Variants in PNRC1 observed in about 807,000 individuals in gnomAD.
PNRC1 encodes proline rich nuclear receptor coactivator 1.
In PNRC1, 6 loss-of-function variants were observed where a neutral mutation model predicts 20.2. The observed-to-expected ratio is 0.30, with a 90% CI of 0.16 to 0.59. The LOEUF (loss-of-function observed/expected upper bound fraction) is 0.59. Ranked by LOEUF, PNRC1 falls within the 20% of genes least tolerant of loss-of-function variation. The pLI, the probability that PNRC1 is intolerant of heterozygous loss-of-function variation, is 0.89. For missense variants in PNRC1, 488 were observed against 430.2 expected, an observed-to-expected ratio of 1.13 and a Z score of -1.19; for synonymous variants, 202 against 186.9, an observed-to-expected ratio of 1.08 and a Z score of -0.66.
In PNRC1 at chr6:89,083,790, C is replaced by T. The variant is rs772546197; in HGVS notation, c.578C>T (p.Ala193Val). 1.9e-6 allele frequency: 3 copies of T among 1,588,274 alleles called. No individual in the cohort carries two copies. The highest frequency in any genetic ancestry group is 2.3e-5 in the South Asian group (2 of 85,382). The change falls in exon 2 of 2, where the codon GCC (alanine) becomes GTC (valine). Residue 193 changes from alanine to valine, a missense_variant. Ala to Val is a moderately conservative substitution (Grantham distance 64). Transcript: ENST00000336032. The stretch of plus-strand genomic sequence containing the variant: ...AAGATGGGAAAATCGGAGAAAATTG[C>T]CCTTCCCCATGGCCAGCTTGTTCAT... ...KSKMGKSEKI[A>V]LPHGQLVHGI...
Position 89,081,209 on chromosome 6 carries a change from CCCCGCAGGGCAG to C in PNRC1, c.317_328del (p.Pro106_Gln109del). The C allele has an allele frequency of 6.4e-7, 1 of 1,561,162 alleles. No individual in the cohort carries two copies. ...GGCGAAAGAAGAAGGTGCGGGCCAG[CCCCGCAGGGCAG>C]CTGCCCAGCCGCTTCCACCAGTACC... On this transcript the variant is annotated inframe_deletion, in exon 1 of 2. Coordinates refer to ENST00000336032, the MANE Select transcript of PNRC1 (RefSeq NM_006813.3).
At position 89,083,887 on chromosome 6, in the gene PNRC1, C is replaced by T. The variant is rs2127986015; in HGVS notation, c.675C>T (p.Ile225=). 6.2e-7 allele frequency: 1 copy of T among 1,614,090 alleles called. No individual in the cohort carries two copies. The highest frequency in any genetic ancestry group is 1.1e-5 in the South Asian group (1 of 91,060). The change falls in exon 2 of 2, where the codon ATC becomes ATT. Residue 225 remains isoleucine (I), a synonymous_variant. Transcript: ENST00000336032. Reference sequence around the variant, plus strand: ...AATATAACTTGCCACTAACCAAGATCACCTCTGCAAAAAGAAATGAAAACA... The same window carrying T: ...AATATAACTTGCCACTAACCAAGATTACCTCTGCAAAAAGAAATGAAAACA... ...KSKYNLPLTK[I]TSAKRNENNF...
rs1768063552 is a variant in PNRC1 at position 89,084,165 on chromosome 6, A to G, written c.953A>G (p.His318Arg). 1 of 1,585,360 alleles carries G rather than the reference A, an allele frequency of 6.3e-7. No homozygotes were observed. ...CAAAACAGGGAGCTGATGGCAGTACACTTAAAAACGCTCCTCAAAGTTCAA... is the reference window on the plus strand; with the variant it reads ...CAAAACAGGGAGCTGATGGCAGTACGCTTAAAAACGCTCCTCAAAGTTCAA... ...SNQNRELMAV[H>R]LKTLLKVQT Residue 318 changes from histidine (H) to arginine (R), a missense_variant, in exon 2 of 2, where the codon CAC becomes CGC. Physicochemically the swap from His to Arg is conservative, Grantham distance 29. Coordinates refer to ENST00000336032, the MANE Select transcript of PNRC1 (RefSeq NM_006813.3).
In PNRC1 at chr6:89,081,102, C is replaced by A. The variant is rs574722768; in HGVS notation, c.208C>A (p.Pro70Thr). 2 of 1,609,266 alleles carry A rather than the reference C, an allele frequency of 1.2e-6. No homozygotes were observed. The highest frequency in any genetic ancestry group is 1.7e-6 in the Non-Finnish European group (2 of 1,179,816). Residue 70 changes from proline to threonine, a missense_variant, in exon 1 of 2, where the codon CCC becomes ACC. By Grantham distance (38) the Pro-to-Thr change is conservative. Transcript: ENST00000336032. ...FLGGDGPCLT[P>T]QPRAPAALPN... ...AGGGGGAGATGGCCCGTGTCTGACC[C>A]CCCAGCCTCGCGCTCCAGCAGCTCT...
At position 89,084,409 on chromosome 6, in the gene PNRC1, T is replaced by C. The variant is rs1768071416; in HGVS notation, c.*213T>C. ...GTGTATATTGTTCATACTTGAGAGG[T>C]ATATTATAGTTTTGTTATGAAAGTA... On this transcript the variant is annotated 3_prime_UTR_variant, in exon 2 of 2. Transcript: ENST00000336032. The C allele has an allele frequency of 7.1e-6, 3 of 422,272 alleles. No individual in the cohort carries two copies. The highest frequency in any genetic ancestry group is 1.3e-5 in the Non-Finnish European group (3 of 232,120). The allele number at this position is 422,272 out of a possible 1,614,324, so 26.2% of individuals were successfully genotyped here. A position where few individuals can be genotyped will look rare whatever the true frequency, so the allele number is the denominator to read the frequency against.
chr6:89,082,589 G>A (rs922055761), intron 1 of PNRC1: 95 of 152,212 alleles, frequency 6.2e-4, no homozygotes, highest in African/African-American at 2.2e-3. Context: ...CCTTATTGAC[G>A]TGGAAAGTTG....
Position 89,081,425 on chromosome 6 carries a change from C to T in PNRC1, c.531C>T (p.Leu177=), listed in dbSNP as rs963113072. Residue 177 remains leucine (L), a synonymous_variant, in exon 1 of 2, where the codon CTC becomes CTT. Coordinates refer to ENST00000336032, the MANE Select transcript of PNRC1 (RefSeq NM_006813.3). ...CCGCGGCTCCCGGCCAAACCCCCCTCAGGAAAGAGGTGAGGCCGCCAGGGG... is the reference window on the plus strand; with the variant it reads ...CCGCGGCTCCCGGCCAAACCCCCCTTAGGAAAGAGGTGAGGCCGCCAGGGG... ...LRPAAPGQTP[L]RKEVLKSKMG... 68 of 1,333,264 alleles carry T rather than the reference C, an allele frequency of 5.1e-5. No homozygotes were observed. Among genetic ancestry groups the T allele is most frequent in the Non-Finnish European group, 5.8e-5 (61 of 1,049,798 alleles). The allele number at this position is 1,333,264 out of a possible 1,614,324, so 82.6% of individuals were successfully genotyped here.
chr6:89,083,903 A>G lies in PNRC1; in HGVS notation c.691A>G (p.Asn231Asp). 6.2e-7 allele frequency: 1 copy of G among 1,614,172 alleles called. No homozygotes were observed. Among genetic ancestry groups the G allele is most frequent in the Non-Finnish European group, 8.5e-7 (1 of 1,180,032 alleles). ...PLTKITSAKR[N>D]ENNFWQDSVS... is the part of the protein sequence containing the mutation. ...AACCAAGATCACCTCTGCAAAAAGA[A>G]ATGAAAACAACTTTTGGCAGGATTC... The change falls in exon 2 of 2, where the codon AAT becomes GAT. Residue 231 changes from asparagine to aspartate, a missense_variant. Coordinates refer to ENST00000336032, the MANE Select transcript of PNRC1 (RefSeq NM_006813.3).
intron 1 of PNRC1, chr6:89,082,777 A>G (rs1768030097): frequency 6.6e-6 from 1 of 152,224 alleles, no homozygotes; most frequent in Admixed American, 6.6e-5. Flanking sequence ...TAAACCAGAA[A>G]GGAGGTACAC....
chr6:89,084,313 G>A lies in PNRC1; in HGVS notation c.*117G>A. ...TGCAACATACAATTGCAAAAGATGA[G>A]TTTAAAAAATTACATACAAACAGCT... On this transcript the variant is annotated 3_prime_UTR_variant, in exon 2 of 2. Coordinates refer to ENST00000336032, the MANE Select transcript of PNRC1 (RefSeq NM_006813.3). The A allele has an allele frequency of 1.6e-6, 1 of 643,024 alleles. No individual in the cohort carries two copies. The highest frequency in any genetic ancestry group is 2.7e-6 in the Non-Finnish European group (1 of 376,888). The allele number at this position is 643,024 out of a possible 1,614,324, so 39.8% of individuals were successfully genotyped here.
In PNRC1 at chr6:89,081,376, G is replaced by A. The variant is rs1381565761; in HGVS notation, c.482G>A (p.Ser161Asn). Residue 161 changes from serine to asparagine, a missense_variant, in exon 1 of 2, where the codon AGC becomes AAC. Physicochemically the swap from Ser to Asn is conservative, Grantham distance 46. Coordinates refer to ENST00000336032, the MANE Select transcript of PNRC1 (RefSeq NM_006813.3). ...PAAAAGTEGA[S>N]PDLAPLRPAA... is the part of the protein sequence containing the mutation. ...GCCGCAGCCGGCACGGAGGGAGCCAGCCCCGACCTTGCCCCGCTGCGGCCC... is the reference window on the plus strand; with the variant it reads ...GCCGCAGCCGGCACGGAGGGAGCCAACCCCGACCTTGCCCCGCTGCGGCCC... The A allele has an allele frequency of 5.7e-6, 8 of 1,404,214 alleles. No individual in the cohort carries two copies. The highest frequency in any genetic ancestry group is 6.4e-6 in the Non-Finnish European group (7 of 1,089,828). The allele number at this position is 1,404,214 out of a possible 1,614,324, so 87.0% of individuals were successfully genotyped here.
In PNRC1 at chr6:89,084,590, ATG is replaced by A. The variant is rs1768075985; in HGVS notation, c.*397_*398del. The A allele has an allele frequency of 1.9e-5, 3 of 156,946 alleles. No homozygotes were observed. Among genetic ancestry groups the A allele is most frequent in the African/African-American group, 7.2e-5 (3 of 41,540 alleles). 9.7% of individuals were successfully genotyped at this position (156,946 alleles called of 1,614,324 possible). ...GTCAAATCTCAAGGTGAAGATCTAA[ATG>A]TGAACAGTTTACTAATGCACTACTG... On this transcript the variant is annotated 3_prime_UTR_variant, in exon 2 of 2. Coordinates refer to ENST00000336032, the MANE Select transcript of PNRC1 (RefSeq NM_006813.3).
At position 89,080,861 on chromosome 6, in the gene PNRC1, C is replaced by G; in HGVS notation, c.-34C>G. On this transcript the variant is annotated 5_prime_UTR_variant, in exon 1 of 2. Coordinates refer to ENST00000336032, the MANE Select transcript of PNRC1 (RefSeq NM_006813.3). The stretch of plus-strand genomic sequence containing the variant: ...CTGGCTTCATTCACCTTCTCCTTCT[C>G]TCTTCGTTGCTGAGCGACAAGCTTC... The G allele has an allele frequency of 6.2e-7, 1 of 1,601,134 alleles. No individual in the cohort carries two copies. Among genetic ancestry groups the G allele is most frequent in the Admixed American group, 1.7e-5 (1 of 60,002 alleles).
In PNRC1 at chr6:89,083,801, G is replaced by A. The variant is rs1768054175; in HGVS notation, c.589G>A (p.Gly197Ser). The change falls in exon 2 of 2, where the codon GGC becomes AGC. Residue 197 changes from glycine (G) to serine (S), a missense_variant. Physicochemically the swap from Gly to Ser is moderately conservative, Grantham distance 56 (BLOSUM62 0). Transcript: ENST00000336032. ...GKSEKIALPHGQLVHGIHLYE... is the reference protein window; with the variant it reads ...GKSEKIALPHSQLVHGIHLYE... ...ATCGGAGAAAATTGCCCTTCCCCAT[G>A]GCCAGCTTGTTCATGGTATACACTT... The A allele has an allele frequency of 6.2e-7, 1 of 1,601,044 alleles. No individual in the cohort carries two copies. The highest frequency in any genetic ancestry group is 8.5e-7 in the Non-Finnish European group (1 of 1,175,994).
chr6:89,082,074 C>G (rs1449750866), intron 1 of PNRC1: 1 of 152,338 alleles, frequency 6.6e-6, no homozygotes, highest in African/African-American at 2.4e-5. Context: ...GCCTGACCTA[C>G]TTAGTGGTTC....
intron 1 of PNRC1, chr6:89,082,196 T>C (rs1227792890): frequency 1.3e-5 from 2 of 152,274 alleles, no homozygotes; most frequent in Non-Finnish European, 1.5e-5. Flanking sequence ...GCAATTGAAT[T>C]GACTTAGCCC....
rs1361415751 is a variant in PNRC1, at chr6:89,081,370, G to A, written c.476G>A (p.Gly159Glu). ...CCTGCAGCCGCAGCCGGCACGGAGG[G>A]AGCCAGCCCCGACCTTGCCCCGCTG... The part of the protein sequence containing the change: ...PSPAAAAGTE[G>E]ASPDLAPLRP... Residue 159 changes from glycine to glutamate, a missense_variant, in exon 1 of 2, where the codon GGA becomes GAA. By Grantham distance (98) the Gly-to-Glu change is moderately conservative. Coordinates refer to ENST00000336032, the MANE Select transcript of PNRC1 (RefSeq NM_006813.3). 7.0e-7 allele frequency: 1 copy of A among 1,421,066 alleles called. No individual in the cohort carries two copies. Among genetic ancestry groups the A allele is most frequent in the Non-Finnish European group, 9.1e-7 (1 of 1,098,396 alleles). The allele number at this position is 1,421,066 out of a possible 1,614,324, so 88.0% of individuals were successfully genotyped here. A position where few individuals can be genotyped will look rare whatever the true frequency, so the allele number is the denominator to read the frequency against.
At chr6:89,081,548 G>GCCCCCCCCCCC in intron 1 of PNRC1, 114 bp downstream of exon 1, 1 of 276,302 alleles carries the variant, frequency 3.6e-6, no homozygotes, top group Non-Finnish European at 6.5e-6. Flanking sequence ...GGGTGGGGGG[G>GCCCCCCCCCCC]GCGGCTGTTT....
chr6:89,081,702 A>C (rs1768002533), intron 1 of PNRC1: 1 of 272,912 alleles, frequency 3.7e-6, no homozygotes, highest in African/African-American at 2.2e-5. Flanking sequence ...AACAGCCCCG[A>C]TTTAGAAGGC....
Sources: allele counts gnomAD v4.1 joint callset, GRCh38; gene constraint gnomAD v4.1.1; transcripts MANE v1.5; gene names NCBI Gene and HGNC (gene_info 2026-07-23, HGNC 2026-07-21).